The following SLIT2 variants were observed in gnomAD, a reference collection of about 807,000 sequenced individuals.
SLIT2 encodes slit guidance ligand 2, also known as slit homolog 2 protein.
SLIT2 carries 41 observed loss-of-function variants against 185.7 expected under a neutral mutation model. That is an observed-to-expected ratio of 0.22 (90% CI 0.17 to 0.29). The LOEUF (loss-of-function observed/expected upper bound fraction) is 0.29. Ranked by LOEUF, SLIT2 falls within the 10% of genes least tolerant of loss-of-function variation. SLIT2 has a pLI of 1.00. For missense variants in SLIT2, 1,571 were observed against 1,909.0 expected (o/e 0.82, Z 3.30); for synonymous variants, 693 against 680.2 (o/e 1.02, Z -0.29).
chr4:20,534,900 A>G (rs1722130569), intron 18 of SLIT2, among the ~76,000 whole-genome samples: 1 of 152,132 alleles, frequency 6.6e-6, no homozygotes, highest in African/African-American at 2.4e-5. Flanking sequence ...ATAGCCTGAA[A>G]CCTGACCACC....
chr4:20,572,856 C>G (rs969727249), intron 29 of SLIT2, among the ~76,000 whole-genome samples: 2 of 152,112 alleles, frequency 1.3e-5, no homozygotes, highest in African/African-American at 4.8e-5. Context: ...GTGTGTAAAG[C>G]CTTAGAACAC....
At position 20,252,214 on chromosome 4, in the gene SLIT2, T is replaced by C. The variant is rs1006357720; in HGVS notation, c.-1602T>C. 6.6e-6 allele frequency among the ~76,000 whole-genome samples: 1 copy of C among 152,070 alleles called. No homozygotes were observed. Among genetic ancestry groups the C allele is most frequent in the African/African-American group, 2.4e-5 (1 of 41,430 alleles). Reference sequence around the variant, plus strand: ...GTCAGCCCCAGCGAACAACTCCAGTTACGACAACAACCCACCTTCCTTCCA... The same window carrying C: ...GTCAGCCCCAGCGAACAACTCCAGTCACGACAACAACCCACCTTCCTTCCA... On this transcript the variant is annotated 5_prime_UTR_variant, in exon 1 of 37. Coordinates refer to ENST00000504154, the MANE Select transcript of SLIT2 (RefSeq NM_004787.4).
chr4:20,415,147 C>T (rs537130192), intron 4 of SLIT2, among the ~76,000 whole-genome samples: 40 of 152,238 alleles, frequency 2.6e-4, no homozygotes, highest in Admixed American at 1.1e-3. Context: ...CGCGGTGGCC[C>T]GCGCCTGTAA....
intron 4 of SLIT2, among the ~76,000 whole-genome samples, chr4:20,414,072 A>G (rs1727469816): frequency 6.6e-6 from 1 of 152,020 alleles, no homozygotes; most frequent in South Asian, 2.1e-4. Context: ...CTAATGTAAA[A>G]TATGTATTTT....
At chr4:20,282,922 T>G (rs1714914034) in intron 4 of SLIT2, among the ~76,000 whole-genome samples, 1 of 152,222 alleles carries the variant, frequency 6.6e-6, no homozygotes, top group African/African-American at 2.4e-5. Flanking sequence ...TTGTCACGTG[T>G]AAGACTTTTA....
At position 20,472,802 on chromosome 4, in the gene SLIT2, T is replaced by G. The variant is rs545083042; in HGVS notation, c.467+4979T>G. 3.3e-5 allele frequency among the ~76,000 whole-genome samples: 5 copies of G among 150,822 alleles called. No homozygotes were observed. In the South Asian group the frequency reaches 1.0e-3, roughly 31 times the overall value. On this transcript the variant is annotated intron_variant, in intron 5 of 36. Transcript: ENST00000504154. ...TTTAGAAAAATGTTAAAATTAAATC[T>G]CACTTTACTGCCAAGAATTGTGAGC...
rs188900961 is a variant in SLIT2, at chr4:20,459,133, A to G, written c.396-8619A>G. 3.8e-3 allele frequency among the ~76,000 whole-genome samples: 551 copies of G among 145,602 alleles called. 5 individuals carry two copies. The highest frequency in any genetic ancestry group is 6.8e-3 in the Admixed American group (96 of 14,096). The stretch of plus-strand genomic sequence containing the variant: ...AGTTCCTGAGGGTTTCCAGTGGGAG[A>G]AAAAAAAAAACAGTTTTGGTGTAGG... On this transcript the variant is annotated intron_variant, in intron 4 of 36. Transcript: ENST00000504154.
At chr4:20,298,583 G>C (rs147317739) in intron 4 of SLIT2, among the ~76,000 whole-genome samples, 1 of 152,254 alleles carries the variant, frequency 6.6e-6, no homozygotes, top group East Asian at 1.9e-4. Context: ...TCTCCTTCAA[G>C]GGATTCCTGT....
At chr4:20,525,754 AT>A (rs1431941364) in intron 15 of SLIT2, among the ~76,000 whole-genome samples, 1 of 152,172 alleles carries the variant, frequency 6.6e-6, no homozygotes, top group African/African-American at 2.4e-5. Flanking sequence ...ATGACTTTAC[AT>A]TCTTCTATAT....
intron 4 of SLIT2, among the ~76,000 whole-genome samples, chr4:20,312,617 C>CA (rs1236245986): frequency 6.6e-6 from 1 of 150,912 alleles, no homozygotes; most frequent in Admixed American, 6.6e-5. Context: ...ACTAAAAATA[C>CA]AAAAAAATTA....
chr4:20,598,701 G>T (rs1728171579), intron 33 of SLIT2, among the ~76,000 whole-genome samples: 1 of 152,130 alleles, frequency 6.6e-6, no homozygotes, highest in African/African-American at 2.4e-5. Flanking sequence ...AGAGGAGGGA[G>T]CAGTTATGGA....
At chr4:20,544,463 A>C (rs548556642) in intron 21 of SLIT2, among the ~76,000 whole-genome samples, 2 of 152,246 alleles carry the variant, frequency 1.3e-5, no homozygotes, top group Admixed American at 1.3e-4. Flanking sequence ...TTGAATTTTC[A>C]ATCTATTTTA....
Position 20,467,745 on chromosome 4 carries a change from T to C in SLIT2, c.396-7T>C, listed in dbSNP as rs767393770. ...AACGTGATCCTTTTTGTTGTTGTTG[T>C]TTTTAGTGATCTCAGTGAAAACCAA... On this transcript the variant is annotated splice_region_variant and splice_polypyrimidine_tract_variant and intron_variant, in intron 4 of 36. Coordinates refer to ENST00000504154, the MANE Select transcript of SLIT2 (RefSeq NM_004787.4). The C allele has an allele frequency of 6.4e-6, 10 of 1,557,014 alleles. No homozygotes were observed. In the South Asian group the frequency reaches 1.2e-4, roughly 18 times the overall value.
In SLIT2 at chr4:20,530,688, T is replaced by A. The variant is rs576413758; in HGVS notation, c.1614-1296T>A. On this transcript the variant is annotated intron_variant, in intron 16 of 36. Coordinates refer to ENST00000504154, the MANE Select transcript of SLIT2 (RefSeq NM_004787.4). The stretch of plus-strand genomic sequence containing the variant: ...TAATGTAAGAGATTTATAATTTTTT[T>A]AATTATATAATAAAATCAGTACTGA... Among the ~76,000 whole-genome samples the A allele has an allele frequency of 3.9e-5, 6 of 152,274 alleles. No homozygotes were observed. In the South Asian group the frequency reaches 8.3e-4, roughly 21 times the overall value.
intron 4 of SLIT2, among the ~76,000 whole-genome samples, chr4:20,444,603 A>T (rs1216777409): frequency 5.3e-5 from 8 of 152,234 alleles, no homozygotes; most frequent in Admixed American, 1.3e-4. Context: ...TATTCATTTT[A>T]GAATTAGTAG....
chr4:20,542,812 CTGTGTGTGTGTG>C (rs753747459), intron 21 of SLIT2, among the ~76,000 whole-genome samples, 186 bp downstream of exon 21: 2 of 111,052 alleles, frequency 1.8e-5, no homozygotes, highest in East Asian at 2.9e-4. Context: ...TTGGGAATTG[CTGTGTGTGTGTG>C]TGTGTGTGTG....
chr4:20,396,551 G>T (rs1267360280), intron 4 of SLIT2, among the ~76,000 whole-genome samples: 2 of 151,720 alleles, frequency 1.3e-5, no homozygotes, highest in East Asian at 3.9e-4. Flanking sequence ...TGCAAAATAA[G>T]TACAGATAAG....
At chr4:20,376,805 T>C (rs1297502266) in intron 4 of SLIT2, among the ~76,000 whole-genome samples, 1 of 152,006 alleles carries the variant, frequency 6.6e-6, no homozygotes, top group Non-Finnish European at 1.5e-5. Flanking sequence ...TTCTCACTCA[T>C]AGGTGGGAAT....
intron 4 of SLIT2, among the ~76,000 whole-genome samples, chr4:20,370,158 C>T (rs2109314919): frequency 6.6e-6 from 1 of 152,146 alleles, no homozygotes; most frequent in Admixed American, 6.6e-5. Context: ...TACCTTACAT[C>T]ATATCTGCCA....
Sources: allele counts gnomAD v4.1 joint callset (sites outside exome capture counted in the v4.1 genomes callset), GRCh38; gene constraint gnomAD v4.1.1; transcripts MANE v1.5; gene names NCBI Gene and HGNC (gene_info 2026-07-23, HGNC 2026-07-21).